GALNTL6: variants seen among roughly 807,000 people sequenced by gnomAD.
GALNTL6 encodes the protein polypeptide N-acetylgalactosaminyltransferase-like 6.
Under a neutral mutation model 73.7 loss-of-function variants are expected in GALNTL6, and 46 were observed. The ratio of observed to expected loss-of-function variants is 0.62; its 90% CI spans 0.49 to 0.80. The LOEUF is 0.80. GALNTL6 is among the 30% of genes least tolerant of loss of function. The pLI, the probability that GALNTL6 is intolerant of heterozygous loss-of-function variation, is 0.00. For missense variants in GALNTL6, 604 were observed against 755.0 expected, an observed-to-expected ratio of 0.80 and a Z score of 2.34; for synonymous variants, 259 against 263.7, an observed-to-expected ratio of 0.98 and a Z score of 0.17.
At chr4:172,439,116 T>C (rs973415265) in intron 5 of GALNTL6, among the ~76,000 whole-genome samples, 1 of 151,552 alleles carries the variant, frequency 6.6e-6, no homozygotes, top group African/African-American at 2.4e-5. Context: ...TTCCTAATTT[T>C]AAAAACCTTC....
intron 8 of GALNTL6, among the ~76,000 whole-genome samples, chr4:172,897,649 G>A (rs981100437): frequency 1.2e-4 from 19 of 152,146 alleles, no homozygotes; most frequent in African/African-American, 3.9e-4. Flanking sequence ...GACAAAACAC[G>A]TACGTTGGTG....
intron 2 of GALNTL6, among the ~76,000 whole-genome samples, chr4:171,942,677 G>C (rs1005408264): frequency 6.6e-6 from 1 of 152,324 alleles, no homozygotes; most frequent in Admixed American, 6.5e-5. Context: ...GGACAATACA[G>C]ATTGCACCTA....
At chr4:172,991,248 TTC>T (rs1179131331) in intron 10 of GALNTL6, among the ~76,000 whole-genome samples, 9 of 152,240 alleles carry the variant, frequency 5.9e-5, no homozygotes, top group African/African-American at 2.2e-4. Context: ...AATCTATCTC[TTC>T]TCTCTTTTTG....
chr4:172,337,080 A>C (rs980225269), intron 4 of GALNTL6, among the ~76,000 whole-genome samples: 3 of 152,164 alleles, frequency 2.0e-5, no homozygotes, highest in Non-Finnish European at 4.4e-5. Context: ...CTGATACAGG[A>C]ATAGTGACCC....
intron 2 of GALNTL6, among the ~76,000 whole-genome samples, chr4:172,157,822 G>GT (rs34517065): frequency 0.47 from 71,084 of 151,988 alleles, 17,495 homozygotes; most frequent in African/African-American, 0.62. Flanking sequence ...GATTTTAAAT[G>GT]TTTTTTATGA....
chr4:172,717,215 A>G (rs1735160621), intron 5 of GALNTL6, among the ~76,000 whole-genome samples: 1 of 152,206 alleles, frequency 6.6e-6, no homozygotes, highest in Non-Finnish European at 1.5e-5. Flanking sequence ...TTTAAACACA[A>G]CTTCTGAAAT....
At chr4:172,616,086 A>G (rs192085943) in intron 5 of GALNTL6, among the ~76,000 whole-genome samples, 125 of 152,300 alleles carry the variant, frequency 8.2e-4, no homozygotes, top group Non-Finnish European at 1.5e-3. Flanking sequence ...CTCTGCTACC[A>G]TCCTCTGCCT....
At chr4:172,394,791 T>C (rs1017522005) in intron 5 of GALNTL6, among the ~76,000 whole-genome samples, 1 of 152,114 alleles carries the variant, frequency 6.6e-6, no homozygotes, top group African/African-American at 2.4e-5. Flanking sequence ...TCTAGCATGC[T>C]GACACCCCTC....
At chr4:173,010,494 G>A (rs1051550985) in intron 11 of GALNTL6, among the ~76,000 whole-genome samples, 12 of 152,018 alleles carry the variant, frequency 7.9e-5, no homozygotes, top group African/African-American at 2.2e-4. Context: ...GTGTCTCCTC[G>A]ATATACTGAT....
At chr4:171,913,889 C>A (rs772831409) in intron 2 of GALNTL6, among the ~76,000 whole-genome samples, 1 of 152,136 alleles carries the variant, frequency 6.6e-6, no homozygotes, top group Non-Finnish European at 1.5e-5. Context: ...TCCTTTTCAA[C>A]ACAATACTCA....
intron 2 of GALNTL6, among the ~76,000 whole-genome samples, chr4:171,825,570 CG>C (rs1305102112): frequency 6.6e-6 from 1 of 152,034 alleles, no homozygotes; most frequent in African/African-American, 2.4e-5. Context: ...TGGCATTCCA[CG>C]ACAAAGATCT....
At chr4:172,644,322 C>T (rs1740131308) in intron 5 of GALNTL6, among the ~76,000 whole-genome samples, 1 of 151,838 alleles carries the variant, frequency 6.6e-6, no homozygotes, top group Admixed American at 6.6e-5. Flanking sequence ...CACATACACA[C>T]ACACACAAAC....
chr4:172,433,098 T>C (rs927994349), intron 5 of GALNTL6, among the ~76,000 whole-genome samples: 1 of 152,164 alleles, frequency 6.6e-6, no homozygotes, highest in African/African-American at 2.4e-5. Flanking sequence ...GTTTGAGTTA[T>C]GATGTGTGTG....
chr4:172,390,362 G>A (rs1743620309), intron 5 of GALNTL6, among the ~76,000 whole-genome samples: 1 of 152,152 alleles, frequency 6.6e-6, no homozygotes, highest in Non-Finnish European at 1.5e-5. Context: ...CCTTACTCAT[G>A]CTTGTGTTCT....
At chr4:172,954,776 T>G (rs1239890945) in intron 10 of GALNTL6, among the ~76,000 whole-genome samples, 1 of 152,158 alleles carries the variant, frequency 6.6e-6, no homozygotes, top group Non-Finnish European at 1.5e-5. Context: ...CAACAGATTT[T>G]TTTTTCTTTT....
At chr4:172,180,858 A>G (rs1414872328) in intron 2 of GALNTL6, among the ~76,000 whole-genome samples, 1 of 152,144 alleles carries the variant, frequency 6.6e-6, no homozygotes, top group Non-Finnish European at 1.5e-5. Flanking sequence ...GTAGCCTTAT[A>G]GCATAGTTTG....
At chr4:172,008,294 G>A (rs1429800419) in intron 2 of GALNTL6, among the ~76,000 whole-genome samples, 1 of 152,068 alleles carries the variant, frequency 6.6e-6, no homozygotes, top group Non-Finnish European at 1.5e-5. Context: ...TGCTTTTAAA[G>A]TCTCTGTATG....
chr4:172,438,871 A>G (rs1731730669), intron 5 of GALNTL6, among the ~76,000 whole-genome samples: 1 of 151,996 alleles, frequency 6.6e-6, no homozygotes, highest in Admixed American at 6.6e-5. Context: ...GAGAAAATAA[A>G]GGGGGCTCAG....
intron 2 of GALNTL6, among the ~76,000 whole-genome samples, chr4:171,856,277 ATTTT>A (rs35607036): frequency 1.2e-3 from 171 of 145,238 alleles, no homozygotes; most frequent in Middle Eastern, 3.6e-3. Flanking sequence ...TACTTTTTGT[ATTTT>A]TTTTTTTTTT....
Sources: gnomAD v4.1 joint callset for allele counts (sites outside exome capture counted in the v4.1 genomes callset) on GRCh38, gnomAD v4.1.1 for gene constraint, MANE v1.5 for transcripts, NCBI Gene and HGNC (gene_info 2026-07-23, HGNC 2026-07-21) for gene names.